The following SDCCAG8 variants were observed in gnomAD, a reference collection of about 807,000 sequenced individuals.
SDCCAG8 encodes SHH signaling and ciliogenesis regulator SDCCAG8.
Under a neutral mutation model 101.8 loss-of-function variants are expected in SDCCAG8, and 74 were observed. The ratio of observed to expected loss-of-function variants is 0.73; its 90% confidence interval spans 0.60 to 0.88. SDCCAG8 has a LOEUF of 0.88. Among genes scored for constraint, SDCCAG8 ranks in the 40% least tolerant of loss-of-function variants. The pLI is 0.00. For missense variants in SDCCAG8, 787 were observed against 822.6 expected, an observed-to-expected ratio of 0.96 and a Z score of 0.53; for synonymous variants, 281 against 292.9, an observed-to-expected ratio of 0.96 and a Z score of 0.41.
intron 6 of SDCCAG8, among the ~76,000 whole-genome samples, chr1:243,299,823 C>T (rs938833567): frequency 1.6e-4 from 25 of 151,624 alleles, no homozygotes; most frequent in Admixed American, 1.6e-3. Flanking sequence ...TTACCTATCT[C>T]TTATTTGTTC....
chr1:243,257,304 C>T (rs1300400407), intron 1 of SDCCAG8, among the ~76,000 whole-genome samples: 1 of 151,920 alleles, frequency 6.6e-6, no homozygotes, highest in Non-Finnish European at 1.5e-5. Context: ...TGACTGTTTG[C>T]GACATTGAGA....
intron 13 of SDCCAG8, among the ~76,000 whole-genome samples, chr1:243,390,465 T>C (rs2078630706): frequency 6.6e-6 from 1 of 152,188 alleles, no homozygotes; most frequent in Non-Finnish European, 1.5e-5. Context: ...CTGCTCCACC[T>C]GTTTGAAGGG....
At position 243,308,160 on chromosome 1, in the gene SDCCAG8, C is replaced by T. The variant is rs976529; in HGVS notation, c.912C>T (p.Thr304=). The T allele has an allele frequency of 0.027, 43,340 of 1,614,026 alleles. 693 individuals are homozygous for T. Among genetic ancestry groups the T allele is most frequent in the Non-Finnish European group, 0.032 (38,069 of 1,179,954 alleles). The stretch of plus-strand genomic sequence containing the variant: ...CCCATACTAATGTTCATATGCAGAC[C>T]ATCGAAAGACTGGTTAAGTAAGTAT... ...SQTHTNVHMQ[T]IERLVKERDD... is the part of the protein sequence containing the mutation. Residue 304 remains threonine (T), a synonymous_variant, in exon 8 of 18, where the codon ACC becomes ACT. Coordinates refer to ENST00000366541, the MANE Select transcript of SDCCAG8 (RefSeq NM_006642.5).
chr1:243,477,702 G>C (rs563753808), intron 16 of SDCCAG8, among the ~76,000 whole-genome samples: 1 of 152,252 alleles, frequency 6.6e-6, no homozygotes, highest in Non-Finnish European at 1.5e-5. Context: ...AGGCAGCTGT[G>C]CTGGAGCTTG....
chr1:243,452,406 TCTCA>T (rs2083429817), intron 16 of SDCCAG8, among the ~76,000 whole-genome samples: 1 of 106,790 alleles, frequency 9.4e-6, no homozygotes, highest in Non-Finnish European at 1.9e-5. Context: ...CTTGAGATGA[TCTCA>T]TCTCTTTTTT....
chr1:243,307,477 G>T, intron 7 of SDCCAG8: 1 of 983,746 alleles, frequency 1.0e-6, no homozygotes, highest in Non-Finnish European at 1.2e-6. Context: ...AGAAAAATGG[G>T]CAGTAATAAA....
intron 13 of SDCCAG8, among the ~76,000 whole-genome samples, chr1:243,384,636 C>T (rs570115546): frequency 5.3e-5 from 8 of 151,168 alleles, no homozygotes; most frequent in African/African-American, 7.3e-5. Context: ...ACTAGAGTTC[C>T]GCATAATTAA....
intron 10 of SDCCAG8, among the ~76,000 whole-genome samples, chr1:243,336,680 C>T (rs1276252141): frequency 1.3e-5 from 2 of 152,182 alleles, no homozygotes; most frequent in African/African-American, 2.4e-5. Context: ...ACCAGGCCCC[C>T]CTCCAACATC....
chr1:243,401,314 C>G (rs147693858), intron 13 of SDCCAG8, among the ~76,000 whole-genome samples: 1 of 152,130 alleles, frequency 6.6e-6, no homozygotes, highest in African/African-American at 2.4e-5. Flanking sequence ...TGGGAATAAG[C>G]GAAAACTACA....
chr1:243,498,156 C>T (rs1192103471), intron 17 of SDCCAG8, among the ~76,000 whole-genome samples: 1 of 152,192 alleles, frequency 6.6e-6, no homozygotes, highest in African/African-American at 2.4e-5. Context: ...AGTCATTTAG[C>T]AGGACTGTGC....
chr1:243,283,415 A>G (rs958420416), intron 4 of SDCCAG8, among the ~76,000 whole-genome samples: 7 of 147,088 alleles, frequency 4.8e-5, no homozygotes, highest in Non-Finnish European at 7.4e-5. Context: ...ATATATATAT[A>G]TACATGTATA....
At chr1:243,356,891 G>A (rs1020464046) in intron 12 of SDCCAG8, among the ~76,000 whole-genome samples, 1 of 152,182 alleles carries the variant, frequency 6.6e-6, no homozygotes. Flanking sequence ...CCAGCTACAT[G>A]GGAGGCTGAG....
chr1:243,267,605 GAAAAAAA>G (rs113992307), intron 1 of SDCCAG8: 1 of 414,664 alleles, frequency 2.4e-6, no homozygotes, highest in Admixed American at 3.6e-5. Flanking sequence ...TCCCTCTCAA[GAAAAAAA>G]AAAAAAAAGT....
chr1:243,334,006 T>C (rs2149353644), intron 10 of SDCCAG8, among the ~76,000 whole-genome samples: 1 of 152,320 alleles, frequency 6.6e-6, no homozygotes, highest in East Asian at 1.9e-4. Context: ...AAACCAGCTT[T>C]ACTTTCCACC....
chr1:243,285,929 A>C (rs1017975252), intron 4 of SDCCAG8, among the ~76,000 whole-genome samples: 1 of 152,182 alleles, frequency 6.6e-6, no homozygotes, highest in African/African-American at 2.4e-5. Context: ...CATGAGTAAT[A>C]ATATATCTTA....
chr1:243,387,359 C>T (rs567388380), intron 13 of SDCCAG8, among the ~76,000 whole-genome samples: 1 of 152,034 alleles, frequency 6.6e-6, no homozygotes, highest in East Asian at 1.9e-4. Context: ...ATTTAGAACT[C>T]GGATTGCCCT....
chr1:243,362,428 A>G (rs1462929627), intron 12 of SDCCAG8, among the ~76,000 whole-genome samples: 1 of 152,252 alleles, frequency 6.6e-6, no homozygotes, highest in African/African-American at 2.4e-5. Context: ...TGCCTCAAGT[A>G]AATTTCTCAT....
At chr1:243,429,858 C>G (rs998188053) in intron 16 of SDCCAG8, among the ~76,000 whole-genome samples, 3 of 151,948 alleles carry the variant, frequency 2.0e-5, no homozygotes, top group African/African-American at 7.3e-5. Context: ...CCTGCCACCA[C>G]GCCCAACTAG....
chr1:243,460,540 T>C (rs1162320859), intron 16 of SDCCAG8, among the ~76,000 whole-genome samples: 2 of 152,188 alleles, frequency 1.3e-5, no homozygotes, highest in African/African-American at 2.4e-5. Context: ...GAACATCTGA[T>C]TGGACATTTA....
Sources: gnomAD v4.1 joint callset for allele counts (sites outside exome capture counted in the v4.1 genomes callset) on GRCh38, gnomAD v4.1.1 for gene constraint, MANE v1.5 for transcripts, NCBI Gene and HGNC (gene_info 2026-07-23, HGNC 2026-07-21) for gene names.